The following PLPP1 variants were observed in gnomAD, a reference collection of about 807,000 sequenced individuals.
The protein encoded by PLPP1 is lipid phosphate phosphohydrolase 1a.
Under a neutral mutation model 31.2 loss-of-function variants are expected in PLPP1, and 24 were observed. The observed-to-expected ratio is 0.77, with a 90% confidence interval of 0.56 to 1.08. The LOEUF (loss-of-function observed/expected upper bound fraction) is 1.08. PLPP1 is among the 50% of genes least tolerant of loss of function. The pLI, the probability that PLPP1 is intolerant of heterozygous loss-of-function variation, is 0.00. For missense variants in PLPP1, 319 were observed against 342.7 expected, an observed-to-expected ratio of 0.93 and a Z score of 0.55; for synonymous variants, 146 against 126.3, an observed-to-expected ratio of 1.16 and a Z score of -1.05.
At chr5:55,427,020 T>G (rs185949139) in intron 4 of PLPP1, among the ~76,000 whole-genome samples, 22 of 152,152 alleles carry the variant, frequency 1.4e-4, no homozygotes, top group African/African-American at 5.1e-4. Flanking sequence ...TCAGTCTGCC[T>G]TTGACTTTGG....
chr5:55,513,168 G>C (rs563133458), intron 1 of PLPP1, among the ~76,000 whole-genome samples: 24 of 151,978 alleles, frequency 1.6e-4, no homozygotes, highest in African/African-American at 5.5e-4. Context: ...TCCCTTATTA[G>C]TAACTGGGAA....
Position 55,534,903 on chromosome 5 carries a change from A to C in PLPP1, c.-274T>G. 2.2e-6 allele frequency: 1 copy of C among 451,960 alleles called. No homozygotes were observed. The highest frequency in any genetic ancestry group is 3.3e-5 in the South Asian group (1 of 30,534). The allele number at this position is 451,960 out of a possible 1,614,324, so 28.0% of individuals were successfully genotyped here. ...GCCGCGGCAGCTCTGTAGCCTCAGG[A>C]CCTCCTCAGCCGGCACGGCCTGCCC... On this transcript the variant is annotated 5_prime_UTR_variant, in exon 1 of 6. Transcript: ENST00000307259.
At chr5:55,431,784 T>TAA (rs1375906475) in intron 4 of PLPP1, among the ~76,000 whole-genome samples, 2 of 152,074 alleles carry the variant, frequency 1.3e-5, no homozygotes, top group East Asian at 3.8e-4. Flanking sequence ...AATGAACTCT[T>TAA]AAAAGTACAA....
intron 1 of PLPP1, among the ~76,000 whole-genome samples, chr5:55,502,095 C>T (rs896057329): frequency 2.6e-5 from 4 of 152,012 alleles, no homozygotes; most frequent in Admixed American, 2.6e-4. Flanking sequence ...AAGTTAATTA[C>T]GCATTAATAT....
intron 1 of PLPP1, among the ~76,000 whole-genome samples, chr5:55,479,435 G>C (rs183706913): frequency 3.5e-4 from 54 of 152,290 alleles, no homozygotes; most frequent in African/African-American, 1.3e-3. Flanking sequence ...CAAACCACAG[G>C]TTGTTCACTG....
At chr5:55,452,562 A>G (rs1014447428) in intron 3 of PLPP1, among the ~76,000 whole-genome samples, 11 of 152,224 alleles carry the variant, frequency 7.2e-5, no homozygotes, top group African/African-American at 2.4e-4. Context: ...AGTTCCCAAC[A>G]TATCTGTTCC....
chr5:55,497,184 G>C (rs1240815044), intron 1 of PLPP1, among the ~76,000 whole-genome samples: 2 of 152,036 alleles, frequency 1.3e-5, no homozygotes, highest in Non-Finnish European at 2.9e-5. Context: ...TATGGCAGCT[G>C]CAACGCCAAG....
At chr5:55,441,223 T>C (rs1361976001) in intron 4 of PLPP1, among the ~76,000 whole-genome samples, 1 of 152,166 alleles carries the variant, frequency 6.6e-6, no homozygotes, top group African/African-American at 2.4e-5. Flanking sequence ...GGTGCAAATC[T>C]TCGTAAGGCC....
chr5:55,427,058 A>ATGAT (rs1751217593), intron 4 of PLPP1, among the ~76,000 whole-genome samples: 1 of 148,400 alleles, frequency 6.7e-6, no homozygotes, highest in African/African-American at 2.5e-5. Flanking sequence ...TTATGTAGAA[A>ATGAT]TGATTCTTTT....
intron 1 of PLPP1, among the ~76,000 whole-genome samples, chr5:55,507,440 A>G (rs1000619518): frequency 2.2e-4 from 34 of 152,308 alleles, no homozygotes; most frequent in East Asian, 1.9e-4. Flanking sequence ...GAGAAAGTCA[A>G]CAGCCAACTA....
At chr5:55,425,507 ATTAAGAGTTGCT>A in intron 5 of PLPP1, 173 bp from the exon 6 acceptor site, 1 of 595,726 alleles carries the variant, frequency 1.7e-6, no homozygotes, top group South Asian at 3.5e-5. Context: ...ATTATTCCAA[ATTAAGAGTTGCT>A]TTGTTATGCC....
Position 55,468,117 on chromosome 5 carries a change from A to G in PLPP1, c.243T>C (p.Cys81=), listed in dbSNP as rs770505940. The change falls in exon 3 of 6, where the codon TGT becomes TGC. Residue 81 remains cysteine, a synonymous_variant. Transcript: ENST00000307259. ...IILGETLSVY[C]NLLHSNSFIR... is the part of the protein sequence containing the mutation. ...TAAAGGAATTTGAGTGCAAAAGGTTACAGTAAACAGACAGGGTTTCTCCAA... is the reference window on the plus strand; with the variant it reads ...TAAAGGAATTTGAGTGCAAAAGGTTGCAGTAAACAGACAGGGTTTCTCCAA... 7 of 1,608,462 alleles carry G rather than the reference A, an allele frequency of 4.4e-6. No homozygotes were observed. The Admixed American group carries it at 1.2e-4, about 27-fold the overall frequency.
chr5:55,504,524 C>CAAAAAA (rs70995703), intron 1 of PLPP1, among the ~76,000 whole-genome samples: 3 of 54,282 alleles, frequency 5.5e-5, no homozygotes, highest in Non-Finnish European at 6.4e-5. Context: ...GACTCCATCT[C>CAAAAAA]AAAAAAAAAA....
chr5:55,522,252 A>G (rs1753685753), intron 1 of PLPP1, among the ~76,000 whole-genome samples: 1 of 152,264 alleles, frequency 6.6e-6, no homozygotes. Context: ...AGGAATGCCT[A>G]TAACAACGCT....
At chr5:55,443,192 A>AAAAAAAAATATATATATATAT in intron 3 of PLPP1, among the ~76,000 whole-genome samples, 21 of 25,426 alleles carry the variant, frequency 8.3e-4, no homozygotes, top group South Asian at 2.5e-3. Flanking sequence ...AAAAAAAAAA[A>AAAAAAAAATATATATATATAT]ATATATATAT....
intron 1 of PLPP1, among the ~76,000 whole-genome samples, chr5:55,488,633 G>A (rs189741311): frequency 1.4e-4 from 21 of 151,890 alleles, no homozygotes; most frequent in Admixed American, 1.1e-3. Flanking sequence ...GCAACAGAGT[G>A]AGACTCCATC....
At chr5:55,461,026 ATAC>A (rs1579938894) in intron 3 of PLPP1, among the ~76,000 whole-genome samples, 1 of 152,256 alleles carries the variant, frequency 6.6e-6, no homozygotes, top group African/African-American at 2.4e-5. Context: ...TCTACAAAAA[ATAC>A]TACAACAACA....
chr5:55,463,614 C>T (rs959769641), intron 3 of PLPP1, among the ~76,000 whole-genome samples: 6 of 151,540 alleles, frequency 4.0e-5, no homozygotes, highest in African/African-American at 1.2e-4. Flanking sequence ...CTAGCTTCGG[C>T]GACAGAGTGA....
intron 3 of PLPP1, among the ~76,000 whole-genome samples, chr5:55,456,638 G>A (rs1752019813): frequency 6.6e-6 from 1 of 152,092 alleles, no homozygotes; most frequent in African/African-American, 2.4e-5. Flanking sequence ...TAATAGGAAA[G>A]TATGTATCCA....
Sources: gnomAD v4.1 joint callset for allele counts (sites outside exome capture counted in the v4.1 genomes callset) on GRCh38, gnomAD v4.1.1 for gene constraint, MANE v1.5 for transcripts, NCBI Gene and HGNC (gene_info 2026-07-23, HGNC 2026-07-21) for gene names.